SFSWAP: variants seen among roughly 807,000 people sequenced by gnomAD.
The protein encoded by SFSWAP is splicing factor, suppressor of white-apricot homolog.
In SFSWAP, 17 loss-of-function variants were observed where a neutral mutation model predicts 100.7. That is an observed-to-expected ratio of 0.17 (90% CI 0.12 to 0.25). The LOEUF is 0.25. SFSWAP is among the 10% of genes least tolerant of loss of function. SFSWAP has a pLI of 1.00. For missense variants in SFSWAP, 1,005 were observed against 1,262.6 expected (o/e 0.80, Z 3.09); for synonymous variants, 504 against 510.1 (o/e 0.99, Z 0.16).
At chr12:131,792,612 CAT>C (rs1025996403) in intron 15 of SFSWAP, among the ~76,000 whole-genome samples, 30 of 151,822 alleles carry the variant, frequency 2.0e-4, no homozygotes, top group African/African-American at 7.0e-4. Flanking sequence ...TGTGTGTGCA[CAT>C]GTGTGTTCAC....
At chr12:131,757,643 G>A (rs1236732569) in intron 11 of SFSWAP, 2 of 152,328 alleles carry the variant, frequency 1.3e-5, no homozygotes, top group African/African-American at 4.8e-5. Context: ...TTGAGGAAGT[G>A]GGCTGGGGTG....
chr12:131,770,077 A>G (rs1883460643), intron 13 of SFSWAP, among the ~76,000 whole-genome samples: 1 of 152,266 alleles, frequency 6.6e-6, no homozygotes, highest in Non-Finnish European at 1.5e-5. Flanking sequence ...AAACAAAAAT[A>G]CTTGTAATTA....
At chr12:131,743,187 C>T (rs749991427) in intron 7 of SFSWAP, among the ~76,000 whole-genome samples, 46 of 152,188 alleles carry the variant, frequency 3.0e-4, no homozygotes, top group Non-Finnish European at 5.9e-4. Context: ...CCAAGTCTCA[C>T]ATCCTCACAT....
At chr12:131,765,459 G>T (rs1883034654) in intron 12 of SFSWAP, among the ~76,000 whole-genome samples, 1 of 152,080 alleles carries the variant, frequency 6.6e-6, no homozygotes. Context: ...AACCAGCCTG[G>T]CCAACATGGT....
At position 131,778,441 on chromosome 12, in the gene SFSWAP, C is replaced by G; in HGVS notation, c.2408+111C>G. 1 of 1,492,790 alleles carries G rather than the reference C, an allele frequency of 6.7e-7. No homozygotes were observed. Among genetic ancestry groups the G allele is most frequent in the Non-Finnish European group, 9.0e-7 (1 of 1,117,064 alleles). The allele number at this position is 1,492,790 out of a possible 1,614,324, so 92.5% of individuals were successfully genotyped here. On this transcript the variant is annotated intron_variant, in intron 14 of 17. Coordinates refer to ENST00000261674, the MANE Select transcript of SFSWAP (RefSeq NM_004592.4). This position sits in a 1 kb window ranked among gnomAD's most constrained non-coding sequence, Gnocchi z 4.2. Reference sequence around the variant, plus strand: ...TAAAATCAGTGCCGCTTTCATTAAGCAGACGCGTGTATGCATGTGCATGTG... The same window carrying G: ...TAAAATCAGTGCCGCTTTCATTAAGGAGACGCGTGTATGCATGTGCATGTG...
chr12:131,735,469 C>A (rs960552949), intron 7 of SFSWAP, among the ~76,000 whole-genome samples: 2 of 152,190 alleles, frequency 1.3e-5, no homozygotes, highest in Non-Finnish European at 2.9e-5. Context: ...TTCCTGTGAA[C>A]CCCAGAGAGA....
chr12:131,719,580 T>G, intron 4 of SFSWAP, 41 bp downstream of exon 4: 2 of 1,439,230 alleles, frequency 1.4e-6, no homozygotes, highest in Non-Finnish European at 2.0e-6. Flanking sequence ...TCATTATTAT[T>G]TATCATAATT....
chr12:131,775,235 G>T (rs1053834214), intron 13 of SFSWAP, among the ~76,000 whole-genome samples: 4 of 152,128 alleles, frequency 2.6e-5, no homozygotes, highest in African/African-American at 9.7e-5. Flanking sequence ...CTTCCTTCTC[G>T]TCACAGAACA....
intron 11 of SFSWAP, among the ~76,000 whole-genome samples, chr12:131,762,079 A>G (rs2136234411): frequency 6.6e-6 from 1 of 152,268 alleles, no homozygotes; most frequent in African/African-American, 2.4e-5. Context: ...TAAAAATACA[A>G]AAAATTAGCT....
At chr12:131,728,927 T>A (rs1358362437) in intron 7 of SFSWAP, among the ~76,000 whole-genome samples, 1 of 152,098 alleles carries the variant, frequency 6.6e-6, no homozygotes, top group Non-Finnish European at 1.5e-5. Context: ...GCTCCTGGGC[T>A]TAAGCAGTCC....
intron 13 of SFSWAP, among the ~76,000 whole-genome samples, chr12:131,776,156 A>G (rs1884008581): frequency 6.6e-6 from 1 of 152,222 alleles, no homozygotes; most frequent in African/African-American, 2.4e-5. Flanking sequence ...ATATTGTTAC[A>G]CTTAACAGAA....
At chr12:131,755,672 T>C (rs953012405) in intron 10 of SFSWAP, among the ~76,000 whole-genome samples, 193 bp downstream of exon 10, 2 of 152,212 alleles carry the variant, frequency 1.3e-5, no homozygotes, top group Non-Finnish European at 2.9e-5. Context: ...TGAAAGCATC[T>C]GCCCACGTTC....
intron 7 of SFSWAP, among the ~76,000 whole-genome samples, chr12:131,745,125 G>A (rs1880993903): frequency 6.6e-6 from 1 of 152,198 alleles, no homozygotes; most frequent in Admixed American, 6.5e-5. Flanking sequence ...AATGTGTGAT[G>A]AGCCAAATAA....
intron 16 of SFSWAP, 105 bp downstream of exon 16, chr12:131,797,465 C>T: frequency 9.6e-7 from 1 of 1,044,952 alleles, no homozygotes; most frequent in Non-Finnish European, 1.3e-6. Context: ...TCGCCTGTGT[C>T]CAGGGGGCGC....
At chr12:131,786,730 C>G in intron 15 of SFSWAP, 142 bp downstream of exon 15, 1 of 843,602 alleles carries the variant, frequency 1.2e-6, no homozygotes, top group Non-Finnish European at 1.8e-6. Flanking sequence ...CCCCCCACCC[C>G]CAGTGGCATG....
intron 16 of SFSWAP, among the ~76,000 whole-genome samples, chr12:131,798,351 A>G (rs1335654721): frequency 1.3e-5 from 2 of 152,128 alleles, no homozygotes; most frequent in Non-Finnish European, 2.9e-5. Context: ...GAGGCTGAGC[A>G]TCGCTGCGGG....
At chr12:131,765,130 C>T (rs1028510302) in intron 12 of SFSWAP, among the ~76,000 whole-genome samples, 8 of 152,202 alleles carry the variant, frequency 5.3e-5, no homozygotes, top group Admixed American at 6.5e-5. Context: ...TTTCCGGCTG[C>T]GGCTCATCTT....
intron 14 of SFSWAP, chr12:131,785,086 C>T (rs1884789653): frequency 6.5e-7 from 1 of 1,535,454 alleles, no homozygotes; most frequent in African/African-American, 1.4e-5. Context: ...CACAGCCTCC[C>T]CAGGGACGCT....
chr12:131,711,417 G>A lies in SFSWAP; in HGVS notation c.188G>A (p.Trp63Ter). The stretch of plus-strand genomic sequence containing the variant: ...GAACAGGGACAGCACCTCATCCCCT[G>A]GATGGGGGACCACAAGATCCTCATC... Reference protein sequence around the residue: ...AQEQGQHLIPWMGDHKILIDR... With the variant: ...AQEQGQHLIP Residue 63 changes from tryptophan to a stop codon, truncating the protein, a stop_gained, in exon 1 of 18, where the codon TGG (tryptophan) becomes TAG (stop). Coordinates refer to ENST00000261674, the MANE Select transcript of SFSWAP (RefSeq NM_004592.4). LOFTEE classifies it high-confidence loss of function. The surrounding 1 kb of genome is among the most constrained non-coding windows in gnomAD (Gnocchi z 4.9). 2 of 1,613,666 alleles carry A rather than the reference G, an allele frequency of 1.2e-6. No individual in the cohort carries two copies.
Sources: allele counts gnomAD v4.1 joint callset (sites outside exome capture counted in the v4.1 genomes callset), GRCh38; gene constraint gnomAD v4.1.1; non-coding constraint Gnocchi (gnomAD v3.1); transcripts MANE v1.5; gene names NCBI Gene and HGNC (gene_info 2026-07-23, HGNC 2026-07-21).